Variants in MACROD2 observed in about 807,000 individuals in gnomAD.
The protein encoded by MACROD2 is ADP-ribose glycohydrolase MACROD2.
Under a neutral mutation model 70.4 loss-of-function variants are expected in MACROD2, and 36 were observed. The observed-to-expected ratio is 0.51, with a 90% CI of 0.39 to 0.68. The LOEUF (loss-of-function observed/expected upper bound fraction) is 0.68, where lower values mean the gene tolerates loss of function less well. MACROD2 is among the 30% of genes least tolerant of loss of function. The pLI is 0.00. For synonymous variants in MACROD2, 172 were observed against 178.8 expected, an observed-to-expected ratio of 0.96 and a Z score of 0.30; for missense variants, 496 against 538.4, an observed-to-expected ratio of 0.92 and a Z score of 0.78.
intron 3 of MACROD2, among the ~76,000 whole-genome samples, chr20:14,245,697 G>A (rs1371558189): frequency 6.6e-6 from 1 of 152,120 alleles, no homozygotes; most frequent in Non-Finnish European, 1.5e-5. Flanking sequence ...TAGAGAACTG[G>A]CCTGGAGCTC....
At chr20:15,882,774 G>C (rs975181856) in intron 9 of MACROD2, among the ~76,000 whole-genome samples, 2 of 152,044 alleles carry the variant, frequency 1.3e-5, no homozygotes, top group Admixed American at 1.3e-4. Flanking sequence ...AAATCAGTGC[G>C]TGAATGAAGT....
At chr20:14,509,923 T>C (rs2085010493) in intron 4 of MACROD2, among the ~76,000 whole-genome samples, 1 of 152,004 alleles carries the variant, frequency 6.6e-6, no homozygotes, top group East Asian at 1.9e-4. Context: ...AAAGGTAACA[T>C]ATTTATGTTT....
intron 5 of MACROD2, among the ~76,000 whole-genome samples, chr20:15,066,758 T>G (rs2075578993): frequency 6.6e-6 from 1 of 151,854 alleles, no homozygotes; most frequent in African/African-American, 2.4e-5. Flanking sequence ...GGTGGGCACC[T>G]GTAATTCCAG....
At chr20:15,704,219 C>T (rs140769955) in intron 8 of MACROD2, among the ~76,000 whole-genome samples, 1,813 of 152,134 alleles carry the variant, frequency 0.012, 8 homozygotes, top group Non-Finnish European at 0.015. Context: ...CCATCTTCCC[C>T]GTGACACCTT....
intron 3 of MACROD2, among the ~76,000 whole-genome samples, chr20:14,094,945 CT>C (rs1421373628): frequency 2.6e-5 from 4 of 152,112 alleles, no homozygotes; most frequent in African/African-American, 9.7e-5. Flanking sequence ...CTCTTTCCCC[CT>C]TTTCCTCCTG....
intron 3 of MACROD2, among the ~76,000 whole-genome samples, chr20:14,278,175 TCA>T (rs2082275170): frequency 6.6e-6 from 1 of 152,248 alleles, no homozygotes; most frequent in South Asian, 2.1e-4. Context: ...CTTTTAAATC[TCA>T]GAGTAATTTT....
chr20:15,205,257 A>T (rs910317442), intron 5 of MACROD2, among the ~76,000 whole-genome samples: 1 of 152,172 alleles, frequency 6.6e-6, no homozygotes, highest in Non-Finnish European at 1.5e-5. Flanking sequence ...TTCAACACAC[A>T]CTATGGCATG....
At chr20:14,292,327 T>C (rs2082393580) in intron 3 of MACROD2, among the ~76,000 whole-genome samples, 1 of 151,900 alleles carries the variant, frequency 6.6e-6, no homozygotes, top group African/African-American at 2.4e-5. Flanking sequence ...TTTTAATTAA[T>C]GTGACTCGGG....
rs975133475 is a variant in MACROD2 at position 14,596,332 on chromosome 20, C to G, written c.302-88511C>G. Among the ~76,000 whole-genome samples, 68 of 151,078 alleles carry G rather than the reference C, an allele frequency of 4.5e-4. 1 individual carries two copies. Among genetic ancestry groups the G allele is most frequent in the African/African-American group, 1.6e-3 (68 of 41,248 alleles). ...GCCTCAATCTCCTGACCTTGTGATC[C>G]TCCCGCCTCGGCCTCCCAAAGTGCT... is the stretch of plus-strand genomic sequence containing the variant. On this transcript the variant is annotated intron_variant, in intron 4 of 17. Coordinates refer to ENST00000684519, the MANE Select transcript of MACROD2 (RefSeq NM_001351661.2).
chr20:15,106,916 A>G (rs974403092), intron 5 of MACROD2, among the ~76,000 whole-genome samples: 7 of 151,298 alleles, frequency 4.6e-5, no homozygotes, highest in Admixed American at 1.3e-4. Context: ...GTATTTTAGA[A>G]AGTATATATG....
At chr20:14,502,903 G>T (rs985285386) in intron 4 of MACROD2, among the ~76,000 whole-genome samples, 1 of 152,156 alleles carries the variant, frequency 6.6e-6, no homozygotes, top group Non-Finnish European at 1.5e-5. Context: ...ATGTATAGTG[G>T]TCATCATAAG....
chr20:15,066,501 G>T (rs187183722), intron 5 of MACROD2, among the ~76,000 whole-genome samples: 2 of 152,164 alleles, frequency 1.3e-5, no homozygotes, highest in East Asian at 3.9e-4. Flanking sequence ...ACATTCGTTC[G>T]CCAAATCAAG....
chr20:14,655,191 G>C (rs1985903203), intron 4 of MACROD2, among the ~76,000 whole-genome samples: 2 of 152,130 alleles, frequency 1.3e-5, no homozygotes. Flanking sequence ...TTAGAAGAAA[G>C]GATGCTTCCA....
intron 6 of MACROD2, among the ~76,000 whole-genome samples, chr20:15,378,993 C>T (rs1208451195): frequency 1.4e-4 from 22 of 152,104 alleles, no homozygotes; most frequent in Admixed American, 1.4e-3. Flanking sequence ...GAAGGAATGC[C>T]TGGAAGTCAA....
At position 15,507,257 on chromosome 20, in the gene MACROD2, C is replaced by G. The variant is rs80174286; in HGVS notation, c.645+7410C>G. Among the ~76,000 whole-genome samples the G allele has an allele frequency of 2.0e-4, 30 of 152,010 alleles. 1 individual carries two copies. The East Asian group carries it at 5.4e-3, about 28-fold the overall frequency. On this transcript the variant is annotated intron_variant, in intron 8 of 17. Transcript: ENST00000684519. ...TCTCTCCCTACCGTTCTCTTTCTCT[C>G]TCACTCTCCTTTCTTCCCTCCTTTC...
At chr20:14,739,879 G>A (rs1224633192) in intron 5 of MACROD2, among the ~76,000 whole-genome samples, 3 of 152,010 alleles carry the variant, frequency 2.0e-5, no homozygotes, top group Non-Finnish European at 4.4e-5. Flanking sequence ...ATATGGAAAT[G>A]CATTCATGGT....
intron 4 of MACROD2, among the ~76,000 whole-genome samples, chr20:14,512,019 T>C (rs1259374763): frequency 1.3e-5 from 2 of 151,964 alleles, no homozygotes; most frequent in African/African-American, 2.4e-5. Flanking sequence ...GGAGAGTTAA[T>C]GAAACAGAGA....
intron 8 of MACROD2, among the ~76,000 whole-genome samples, chr20:15,523,185 G>T (rs1185738996): frequency 6.6e-6 from 1 of 152,190 alleles, no homozygotes; most frequent in Non-Finnish European, 1.5e-5. Context: ...GACTCCATAT[G>T]ATTTAAAAGC....
At chr20:15,592,780 G>A (rs946985376) in intron 8 of MACROD2, among the ~76,000 whole-genome samples, 12 of 152,094 alleles carry the variant, frequency 7.9e-5, no homozygotes, top group Non-Finnish European at 1.3e-4. Flanking sequence ...GCAATCTCAG[G>A]TATAAAATAT....
Sources: allele counts gnomAD v4.1 joint callset (sites outside exome capture counted in the v4.1 genomes callset), GRCh38; gene constraint gnomAD v4.1.1; transcripts MANE v1.5; gene names NCBI Gene and HGNC (gene_info 2026-07-23, HGNC 2026-07-21).